MYT1L: variants seen among roughly 807,000 people sequenced by gnomAD.
MYT1L encodes myelin transcription factor 1 like, also known as myelin transcription factor 1-like protein.
MYT1L carries 12 observed loss-of-function variants against 126.7 expected under a neutral mutation model. The observed-to-expected ratio is 0.09, with a 90% CI of 0.06 to 0.15. The LOEUF (loss-of-function observed/expected upper bound fraction) is 0.15, where lower values mean the gene tolerates loss of function less well. Among genes scored for constraint, MYT1L ranks in the 10% least tolerant of loss-of-function variants. The pLI is 1.00. For missense variants in MYT1L, 979 were observed against 1,585.2 expected, an observed-to-expected ratio of 0.62 and a Z score of 6.49; for synonymous variants, 541 against 604.2, an observed-to-expected ratio of 0.90 and a Z score of 1.53.
chr2:2,227,343 A>G (rs1419710637), intron 2 of MYT1L, among the ~76,000 whole-genome samples: 1 of 152,204 alleles, frequency 6.6e-6, no homozygotes, highest in Non-Finnish European at 1.5e-5. Context: ...CCCACTTGAC[A>G]TCTCGACTGA....
intron 3 of MYT1L, among the ~76,000 whole-genome samples, chr2:2,069,899 G>A (rs1329354498): frequency 1.3e-5 from 2 of 148,340 alleles, no homozygotes; most frequent in Non-Finnish European, 3.0e-5. Context: ...CATATCCTTC[G>A]CCCACTTTTT....
At chr2:2,185,298 T>C (rs1299074154) in intron 2 of MYT1L, among the ~76,000 whole-genome samples, 6 of 152,258 alleles carry the variant, frequency 3.9e-5, no homozygotes, top group African/African-American at 1.4e-4. Context: ...TTAATTAAAA[T>C]GTAACTAGTC....
intron 4 of MYT1L, among the ~76,000 whole-genome samples, chr2:2,013,875 C>A (rs2064090765): frequency 6.6e-6 from 1 of 152,248 alleles, no homozygotes; most frequent in Non-Finnish European, 1.5e-5. Flanking sequence ...CGCACCCGGG[C>A]AGTTTGGTTT....
chr2:1,930,500 G>C (rs757224465), intron 9 of MYT1L, among the ~76,000 whole-genome samples: 2 of 151,992 alleles, frequency 1.3e-5, no homozygotes, highest in Non-Finnish European at 2.9e-5. Context: ...CAATCACAAC[G>C]CTTCAAATAC....
intron 18 of MYT1L, among the ~76,000 whole-genome samples, chr2:1,866,504 A>G (rs1291019797): frequency 7.8e-6 from 1 of 127,474 alleles, no homozygotes; most frequent in African/African-American, 3.1e-5. Flanking sequence ...AGGCAGGCAG[A>G]GAGAGAAGGG....
intron 1 of MYT1L, among the ~76,000 whole-genome samples, chr2:2,317,142 A>G (rs542984816): frequency 4.9e-4 from 75 of 152,254 alleles, no homozygotes; most frequent in Non-Finnish European, 9.3e-4. Flanking sequence ...CTGGATGACC[A>G]TGAAACATTT....
intron 4 of MYT1L, among the ~76,000 whole-genome samples, chr2:2,018,770 A>T (rs1469054170): frequency 6.6e-6 from 1 of 152,138 alleles, no homozygotes; most frequent in African/African-American, 2.4e-5. Context: ...TCCCCCAGAA[A>T]GGTGAGCCCA....
At chr2:1,802,242 C>G (rs1013617898) in intron 22 of MYT1L, among the ~76,000 whole-genome samples, 1 of 152,144 alleles carries the variant, frequency 6.6e-6, no homozygotes, top group South Asian at 2.1e-4. Flanking sequence ...GGTACGTTCA[C>G]CAACAAGGCC....
At chr2:2,107,455 C>CA in intron 3 of MYT1L, among the ~76,000 whole-genome samples, 1 of 152,230 alleles carries the variant, frequency 6.6e-6, no homozygotes, top group South Asian at 2.1e-4. Flanking sequence ...AAAACACTAG[C>CA]TCTCTGACGC....
chr2:2,003,408 C>T (rs962282546), intron 4 of MYT1L, among the ~76,000 whole-genome samples: 1 of 152,180 alleles, frequency 6.6e-6, no homozygotes, highest in Non-Finnish European at 1.5e-5. Context: ...TCCAGGTTTG[C>T]CCACCGTCAC....
intron 13 of MYT1L, among the ~76,000 whole-genome samples, chr2:1,906,317 T>C (rs2148984778): frequency 6.6e-6 from 1 of 152,344 alleles, no homozygotes; most frequent in African/African-American, 2.4e-5. Context: ...CAGTTCTTAA[T>C]AGCAGAATGA....
chr2:2,233,544 G>C (rs1306731059), intron 2 of MYT1L, among the ~76,000 whole-genome samples: 3 of 152,204 alleles, frequency 2.0e-5, no homozygotes, highest in Non-Finnish European at 2.9e-5. Context: ...GGTGTCTCAG[G>C]ACACTCGTGT....
At position 2,331,044 on chromosome 2, in the gene MYT1L, A is replaced by G. The variant is rs529031227; in HGVS notation, c.-598T>C. The stretch of plus-strand genomic sequence containing the variant: ...CTGTGCTGGCTCAAAATACACAGAC[A>G]GGGAAGAAAACCCTGTTCCACCACA... On this transcript the variant is annotated 5_prime_UTR_variant, in exon 1 of 25. Coordinates refer to ENST00000647738, the MANE Select transcript of MYT1L (RefSeq NM_001303052.2). 1.3e-5 allele frequency: 2 copies of G among 152,322 alleles called. No individual in the cohort carries two copies. The highest frequency in any genetic ancestry group is 4.8e-5 in the African/African-American group (2 of 41,580). 9.4% of individuals were successfully genotyped at this position (152,322 alleles called of 1,614,324 possible).
At chr2:2,302,652 A>G (rs977627073) in intron 1 of MYT1L, among the ~76,000 whole-genome samples, 2 of 152,180 alleles carry the variant, frequency 1.3e-5, no homozygotes, top group Non-Finnish European at 2.9e-5. Flanking sequence ...TGTGCGCTCA[A>G]ATGGCTGGGA....
intron 2 of MYT1L, among the ~76,000 whole-genome samples, chr2:2,215,210 C>T (rs1183635030): frequency 2.0e-5 from 3 of 152,144 alleles, no homozygotes; most frequent in African/African-American, 7.2e-5. Flanking sequence ...TAACTATATT[C>T]ATACATTACA....
chr2:2,097,892 T>A (rs1290729058), intron 3 of MYT1L, among the ~76,000 whole-genome samples: 1 of 152,216 alleles, frequency 6.6e-6, no homozygotes. Flanking sequence ...TTCTCATGAA[T>A]GACTTAGTCC....
chr2:2,324,188 G>C (rs995500112), intron 1 of MYT1L: 5 of 152,202 alleles, frequency 3.3e-5, no homozygotes, highest in Admixed American at 2.0e-4. Context: ...GGATATCAAA[G>C]AGCAGCCTCA....
chr2:2,283,239 T>C (rs1452012533), intron 2 of MYT1L, among the ~76,000 whole-genome samples: 1 of 152,234 alleles, frequency 6.6e-6, no homozygotes, highest in Non-Finnish European at 1.5e-5. Context: ...ATACTAATGG[T>C]GGTTGTCACT....
intron 1 of MYT1L, among the ~76,000 whole-genome samples, chr2:2,295,510 TG>T (rs2095657614): frequency 1.5e-5 from 2 of 133,640 alleles, no homozygotes; most frequent in African/African-American, 3.0e-5. Context: ...AGTGTGGGGG[TG>T]GGGGCAGAGG....
Sources: allele counts gnomAD v4.1 joint callset (sites outside exome capture counted in the v4.1 genomes callset), GRCh38; gene constraint gnomAD v4.1.1; transcripts MANE v1.5; gene names NCBI Gene and HGNC (gene_info 2026-07-23, HGNC 2026-07-21).